The following GSG1L variants were observed in gnomAD, a reference collection of about 807,000 sequenced individuals.
The protein encoded by GSG1L is GSG1 like, also known as germ cell-specific gene 1-like protein.
In GSG1L, 24 loss-of-function variants were observed where a neutral mutation model predicts 42.1. The ratio of observed to expected loss-of-function variants is 0.57; its 90% CI spans 0.41 to 0.80. The LOEUF is 0.80. Ranked by LOEUF, GSG1L falls within the 30% of genes least tolerant of loss-of-function variation. The pLI, the probability that GSG1L is intolerant of heterozygous loss-of-function variation, is 0.00. For synonymous variants in GSG1L, 215 were observed against 203.5 expected (o/e 1.06, Z -0.48); for missense variants, 445 against 472.2 (o/e 0.94, Z 0.53).
chr16:27,882,157 C>A (rs112425923), intron 3 of GSG1L, among the ~76,000 whole-genome samples: 3 of 152,092 alleles, frequency 2.0e-5, no homozygotes, highest in African/African-American at 7.2e-5. Context: ...GTGAGTCTCA[C>A]GAGAGCTGAT....
chr16:27,824,186 C>T (rs551447952), intron 5 of GSG1L, among the ~76,000 whole-genome samples: 25 of 152,332 alleles, frequency 1.6e-4, no homozygotes, highest in African/African-American at 5.3e-4. Context: ...GCACTTGGCG[C>T]GGCATGTCAC....
chr16:27,943,688 C>T (rs2084829227), intron 2 of GSG1L, among the ~76,000 whole-genome samples: 1 of 142,848 alleles, frequency 7.0e-6, no homozygotes, highest in Non-Finnish European at 1.5e-5. Context: ...TATTCTTATG[C>T]CTCAGCCTCT....
chr16:27,843,688 G>T (rs2140982355), intron 4 of GSG1L, among the ~76,000 whole-genome samples: 1 of 152,234 alleles, frequency 6.6e-6, no homozygotes, highest in Non-Finnish European at 1.5e-5. Context: ...CCTGGATCCA[G>T]CTGTGTCTGA....
At chr16:27,882,754 A>C (rs910048125) in intron 3 of GSG1L, among the ~76,000 whole-genome samples, 1 of 152,138 alleles carries the variant, frequency 6.6e-6, no homozygotes, top group Non-Finnish European at 1.5e-5. Context: ...TAACACACCC[A>C]GTCCATAGAG....
At position 27,888,509 on chromosome 16, in the gene GSG1L, T is replaced by C. The variant is rs1334017557; in HGVS notation, c.398-3871A>G. Among the ~76,000 whole-genome samples, 91 of 13,322 alleles carry C rather than the reference T, an allele frequency of 6.8e-3. 5 individuals are homozygous for C. The highest frequency in any genetic ancestry group is 0.017 in the Admixed American group (13 of 750). 8.7% of individuals were successfully genotyped at this position (13,322 alleles called of 152,430 possible). ...TTTCTTTCTTTCTTTCTTTCTTTCT[T>C]TCTTTCTTTCTTTCTTTCTTTCTTT... On this transcript the variant is annotated intron_variant, in intron 2 of 6. Transcript: ENST00000447459.
chr16:27,893,088 C>T (rs955019177), intron 2 of GSG1L, among the ~76,000 whole-genome samples: 36 of 152,056 alleles, frequency 2.4e-4, no homozygotes, highest in African/African-American at 7.2e-4. Context: ...CCCAAGTCTC[C>T]GAAACTTGCG....
At chr16:27,803,794 T>G (rs981014841) in intron 6 of GSG1L, among the ~76,000 whole-genome samples, 57 of 68,720 alleles carry the variant, frequency 8.3e-4, no homozygotes, top group African/African-American at 3.3e-3. Context: ...TATATATATA[T>G]AGATAGATAG....
chr16:27,918,566 G>A (rs1156597153), intron 2 of GSG1L, among the ~76,000 whole-genome samples: 1 of 151,742 alleles, frequency 6.6e-6, no homozygotes, highest in East Asian at 1.9e-4. Flanking sequence ...GGCCAAGGCA[G>A]GAGAATCACT....
At position 27,888,475 on chromosome 16, in the gene GSG1L, TCTCTTTCCTTTCTTTCTTTCTTTCTTTC is replaced by T. The variant is rs2084067916; in HGVS notation, c.398-3865_398-3838del. ...TTCTTTCTTTCTTTCTCTCTCTCTC[TCTCTTTCCTTTCTTTCTTTCTTTCTTTC>T]TTTCTTTCTTTCTTTCTTTCTTTCT... On this transcript the variant is annotated intron_variant, in intron 2 of 6. Transcript: ENST00000447459. Among the ~76,000 whole-genome samples, 28 of 73,384 alleles carry T rather than the reference TCTCTTTCCTTTCTTTCTTTCTTTCTTTC, an allele frequency of 3.8e-4. 5 individuals are homozygous for T. Among genetic ancestry groups the T allele is most frequent in the South Asian group, 3.6e-3 (7 of 1,940 alleles). The allele number at this position is 73,384 out of a possible 152,430, so 48.1% of individuals were successfully genotyped here.
At chr16:27,990,044 A>G (rs146307518) in intron 1 of GSG1L, among the ~76,000 whole-genome samples, 135 of 152,334 alleles carry the variant, frequency 8.9e-4, no homozygotes, top group African/African-American at 3.1e-3. Context: ...TTAGGCTAGT[A>G]GAAACGTCCA....
At position 28,055,230 on chromosome 16, in the gene GSG1L, A is replaced by G. The variant is rs537228636; in HGVS notation, c.349+7846T>C. Among the ~76,000 whole-genome samples the G allele has an allele frequency of 1.2e-4, 18 of 152,324 alleles. No homozygotes were observed. The South Asian group carries it at 1.2e-3, about 11-fold the overall frequency. The stretch of plus-strand genomic sequence containing the variant: ...GAGCACAGTGACACGATGACAGCTC[A>G]CTGCAGCCTCAAACTCCTGGGCTCA... On this transcript the variant is annotated intron_variant, in intron 1 of 6. Transcript: ENST00000447459.
intron 2 of GSG1L, among the ~76,000 whole-genome samples, chr16:27,919,232 A>G (rs1320674636): frequency 6.6e-6 from 1 of 152,198 alleles, no homozygotes; most frequent in East Asian, 1.9e-4. Flanking sequence ...AGGAGTCAGT[A>G]CAAAGAAGGT....
In GSG1L at chr16:28,063,304, TG is replaced by T. The variant is rs1275417839; in HGVS notation, c.120del (p.Lys41SerfsTer152). On this transcript the variant is annotated frameshift_variant, in exon 1 of 7. Transcript: ENST00000447459. LOFTEE classifies it high-confidence loss of function. This position sits in a 1 kb window ranked among gnomAD's most constrained non-coding sequence, Gnocchi z 5.8. ...THWCQGTQRV[P>X]KPGCGQGGRA... is the part of the protein sequence containing the mutation. ...CGCCCGCCCTGGCCGCAGCCCGGCT[TG>T]GGGACCCGCTGCGTGCCCTGGCACC... 1.4e-6 allele frequency: 2 copies of T among 1,387,764 alleles called. No individual in the cohort carries two copies. Among genetic ancestry groups the T allele is most frequent in the Non-Finnish European group, 1.9e-6 (2 of 1,062,510 alleles). The allele number at this position is 1,387,764 out of a possible 1,614,324, so 86.0% of individuals were successfully genotyped here. A position where few individuals can be genotyped will look rare whatever the true frequency, so the allele number is the denominator to read the frequency against.
chr16:27,927,612 A>T (rs1470227138), intron 2 of GSG1L, among the ~76,000 whole-genome samples: 2 of 152,068 alleles, frequency 1.3e-5, no homozygotes, highest in Admixed American at 1.3e-4. Context: ...CCAATCCCTG[A>T]TTAGAACACT....
intron 3 of GSG1L, among the ~76,000 whole-genome samples, chr16:27,854,861 G>T (rs1047204196): frequency 1.3e-5 from 2 of 152,110 alleles, no homozygotes; most frequent in Admixed American, 6.5e-5. Flanking sequence ...CTTGTGATTG[G>T]GTGGGAATGA....
At chr16:28,014,751 A>T (rs2085761384) in intron 1 of GSG1L, among the ~76,000 whole-genome samples, 1 of 145,700 alleles carries the variant, frequency 6.9e-6, no homozygotes, top group Admixed American at 7.3e-5. Flanking sequence ...CTCCCACCTC[A>T]GCCTTCCAAA....
chr16:27,957,664 A>G (rs956724181), intron 2 of GSG1L, among the ~76,000 whole-genome samples: 64 of 152,246 alleles, frequency 4.2e-4, no homozygotes, highest in African/African-American at 1.5e-3. Flanking sequence ...AGTGCAGTTC[A>G]GCTAGACAGC....
chr16:27,874,360 C>T (rs573038095), intron 3 of GSG1L, among the ~76,000 whole-genome samples: 4 of 148,946 alleles, frequency 2.7e-5, no homozygotes, highest in South Asian at 2.1e-4. Flanking sequence ...ATCTACACAT[C>T]GACATGGCCA....
chr16:27,978,770 T>C (rs545464502), intron 1 of GSG1L, among the ~76,000 whole-genome samples: 1 of 151,982 alleles, frequency 6.6e-6, no homozygotes, highest in South Asian at 2.1e-4. Flanking sequence ...GTTTTTTTTT[T>C]TAAATATATA....
Sources: gnomAD v4.1 joint callset for allele counts (sites outside exome capture counted in the v4.1 genomes callset) on GRCh38, gnomAD v4.1.1 for gene constraint, Gnocchi (gnomAD v3.1) non-coding constraint, MANE v1.5 for transcripts, NCBI Gene and HGNC (gene_info 2026-07-23, HGNC 2026-07-21) for gene names.